The following PHF21A variants were observed in gnomAD, a reference collection of about 807,000 sequenced individuals.
PHF21A encodes BHC80a.
PHF21A carries 11 observed loss-of-function variants against 82.5 expected under a neutral mutation model. The observed-to-expected ratio is 0.13, with a 90% CI of 0.08 to 0.22. The LOEUF (loss-of-function observed/expected upper bound fraction) is 0.22, where lower values mean the gene tolerates loss of function less well. Among genes scored for constraint, PHF21A ranks in the 10% least tolerant of loss-of-function variants. The pLI is 1.00. For missense variants in PHF21A, 579 were observed against 837.8 expected (o/e 0.69, Z 3.81); for synonymous variants, 297 against 302.8 (o/e 0.98, Z 0.20).
chr11:46,042,531 T>C (rs979412322), intron 6 of PHF21A, among the ~76,000 whole-genome samples: 2 of 152,134 alleles, frequency 1.3e-5, no homozygotes, highest in African/African-American at 2.4e-5. Context: ...GTGAAATGTA[T>C]AGCATGTCTC....
At chr11:45,951,181 A>G (rs2092059187) in intron 11 of PHF21A, among the ~76,000 whole-genome samples, 1 of 152,250 alleles carries the variant, frequency 6.6e-6, no homozygotes, top group African/African-American at 2.4e-5. Flanking sequence ...GTTTCTAAAT[A>G]TGCCAAATAA....
At chr11:45,945,752 G>C in intron 15 of PHF21A, 88 bp downstream of exon 15, 1 of 1,108,508 alleles carries the variant, frequency 9.0e-7, no homozygotes, top group Non-Finnish European at 1.3e-6. Flanking sequence ...AGTCAAGAAG[G>C]TGCAAGTCGA....
At position 46,101,682 on chromosome 11, in the gene PHF21A, G is replaced by C. The variant is rs188920264; in HGVS notation, c.-236-9459C>G. ...GTGTCTCGCTTTGTTGCCCAGGCTG[G>C]AGTGCAGTGGCATGGCACAATCACA... On this transcript the variant is annotated intron_variant, in intron 1 of 18. Coordinates refer to ENST00000676320, the MANE Select transcript of PHF21A (RefSeq NM_001352027.3). 2.1e-3 allele frequency among the ~76,000 whole-genome samples: 325 copies of C among 152,188 alleles called. 2 individuals carry two copies. The highest frequency in any genetic ancestry group is 7.5e-3 in the African/African-American group (312 of 41,508).
chr11:46,002,895 G>A (rs2095185784), intron 6 of PHF21A, among the ~76,000 whole-genome samples: 1 of 152,100 alleles, frequency 6.6e-6, no homozygotes, highest in Admixed American at 6.6e-5. Context: ...TTAACATTAA[G>A]TAGATCATTG....
rs896623955 is a variant in PHF21A at position 45,969,035 on chromosome 11, T to C, written c.702+780A>G. Among the ~76,000 whole-genome samples the C allele has an allele frequency of 2.6e-5, 4 of 151,702 alleles. No homozygotes were observed. The South Asian group carries it at 8.3e-4, about 32-fold the overall frequency. The stretch of plus-strand genomic sequence containing the variant: ...AGGGATTTATCTGATAAACAAATGA[T>C]ATCATCTTATCTCATATTAGCACTG... On this transcript the variant is annotated intron_variant, in intron 9 of 18. Coordinates refer to ENST00000676320, the MANE Select transcript of PHF21A (RefSeq NM_001352027.3).
intron 6 of PHF21A, among the ~76,000 whole-genome samples, chr11:46,028,314 T>C (rs1315760860): frequency 1.3e-5 from 2 of 152,104 alleles, no homozygotes; most frequent in Non-Finnish European, 2.9e-5. Context: ...TTAATTTCTA[T>C]AAAAATAATA....
chr11:46,023,519 T>C (rs1479322019), intron 6 of PHF21A, among the ~76,000 whole-genome samples: 12 of 152,236 alleles, frequency 7.9e-5, no homozygotes, highest in African/African-American at 2.4e-5. Flanking sequence ...CTGTGTCATA[T>C]GGAATACTGG....
At chr11:46,041,128 T>G (rs561949536) in intron 6 of PHF21A, among the ~76,000 whole-genome samples, 1 of 152,238 alleles carries the variant, frequency 6.6e-6, no homozygotes, top group South Asian at 2.1e-4. Context: ...TGTATAAAAA[T>G]CCACCTTCTT....
At chr11:45,963,415 T>G (rs538676450) in intron 10 of PHF21A, among the ~76,000 whole-genome samples, 3 of 128,584 alleles carry the variant, frequency 2.3e-5, no homozygotes, top group African/African-American at 6.3e-5. Context: ...AGTAAAACTC[T>G]GTGTCAAAAA....
At chr11:46,030,683 C>T (rs2095845953) in intron 6 of PHF21A, among the ~76,000 whole-genome samples, 1 of 152,052 alleles carries the variant, frequency 6.6e-6, no homozygotes, top group Admixed American at 6.6e-5. Context: ...ATAATAAAAC[C>T]AATTTTCACT....
At chr11:46,115,506 G>T (rs146855468) in intron 1 of PHF21A, among the ~76,000 whole-genome samples, 1 of 152,076 alleles carries the variant, frequency 6.6e-6, no homozygotes, top group Non-Finnish European at 1.5e-5. Flanking sequence ...TCAATGCAAT[G>T]TTAACATATT....
chr11:45,952,990 A>G (rs1039519019), intron 11 of PHF21A, among the ~76,000 whole-genome samples: 1 of 152,256 alleles, frequency 6.6e-6, no homozygotes, highest in Non-Finnish European at 1.5e-5. Context: ...ATTATAGTAT[A>G]GATGTTACTA....
intron 10 of PHF21A, among the ~76,000 whole-genome samples, chr11:45,960,550 A>G (rs1035319518): frequency 9.9e-5 from 15 of 152,190 alleles, no homozygotes; most frequent in African/African-American, 3.4e-4. Flanking sequence ...AAAGTTAAAT[A>G]ATTGCTTAAT....
intron 1 of PHF21A, among the ~76,000 whole-genome samples, chr11:46,097,545 C>T (rs2097017896): frequency 1.3e-5 from 2 of 152,154 alleles, no homozygotes; most frequent in African/African-American, 4.8e-5. Context: ...AAGACTAAAA[C>T]TATAATCAGA....
chr11:46,116,592 T>G (rs560727835), intron 1 of PHF21A: 1 of 151,860 alleles, frequency 6.6e-6, no homozygotes, highest in East Asian at 1.9e-4. Context: ...TATGAGAAAC[T>G]GACTAGGCAG....
intron 6 of PHF21A, among the ~76,000 whole-genome samples, chr11:45,989,076 G>A (rs2094588456): frequency 6.6e-6 from 1 of 152,136 alleles, no homozygotes; most frequent in African/African-American, 2.4e-5. Context: ...GAGGGTGCAA[G>A]TTCCTCACAA....
chr11:46,073,973 A>G (rs1159607126), intron 6 of PHF21A, among the ~76,000 whole-genome samples: 2 of 152,210 alleles, frequency 1.3e-5, no homozygotes, highest in Non-Finnish European at 2.9e-5. Flanking sequence ...GATGCTCACT[A>G]AAGGCTGTAT....
chr11:46,093,979 G>A (rs549970742), intron 1 of PHF21A, among the ~76,000 whole-genome samples: 1 of 152,142 alleles, frequency 6.6e-6, no homozygotes, highest in East Asian at 1.9e-4. Context: ...AAGAACTTCT[G>A]CTCATCAAAA....
intron 15 of PHF21A, among the ~76,000 whole-genome samples, 181 bp downstream of exon 15, chr11:45,945,659 A>G (rs1347421421): frequency 6.6e-6 from 1 of 152,216 alleles, no homozygotes; most frequent in Non-Finnish European, 1.5e-5. Flanking sequence ...TCTCAAGGAC[A>G]TGGAAGGCCT....
Sources: gnomAD v4.1 joint callset for allele counts (sites outside exome capture counted in the v4.1 genomes callset) on GRCh38, gnomAD v4.1.1 for gene constraint, MANE v1.5 for transcripts, NCBI Gene and HGNC (gene_info 2026-07-23, HGNC 2026-07-21) for gene names.